Variants in DENND1A observed in about 807,000 individuals in gnomAD.
DENND1A encodes the protein DENN domain containing 1A, also known as DENN domain-containing protein 1A.
DENND1A carries 51 observed loss-of-function variants against 113.7 expected under a neutral mutation model. That is an observed-to-expected ratio of 0.45 (90% CI 0.36 to 0.57). DENND1A has a LOEUF of 0.57. Ranked by LOEUF, DENND1A falls within the 20% of genes least tolerant of loss-of-function variation. The pLI is 0.00. For missense variants in DENND1A, 1,258 were observed against 1,395.9 expected, an observed-to-expected ratio of 0.90 and a Z score of 1.57; for synonymous variants, 565 against 570.8, an observed-to-expected ratio of 0.99 and a Z score of 0.14.
intron 2 of DENND1A, among the ~76,000 whole-genome samples, chr9:123,805,060 C>T (rs368192421): frequency 2.6e-4 from 40 of 152,232 alleles, no homozygotes; most frequent in African/African-American, 8.7e-4. Flanking sequence ...CACTTCATGG[C>T]TTATACCCAC....
intron 13 of DENND1A, among the ~76,000 whole-genome samples, chr9:123,459,082 T>C (rs916633037): frequency 6.6e-6 from 1 of 151,934 alleles, no homozygotes; most frequent in African/African-American, 2.4e-5. Context: ...GAGGAGAGAA[T>C]TGCTTGAACC....
At chr9:123,449,000 A>G (rs542756730) in intron 18 of DENND1A, among the ~76,000 whole-genome samples, 5 of 152,322 alleles carry the variant, frequency 3.3e-5, no homozygotes, top group African/African-American at 1.2e-4. Flanking sequence ...TTGGAAAACA[A>G]AACACTTGTT....
chr9:123,666,620 G>A (rs760693124), intron 8 of DENND1A, among the ~76,000 whole-genome samples: 2 of 152,156 alleles, frequency 1.3e-5, no homozygotes, highest in Non-Finnish European at 2.9e-5. Context: ...GTTCTACAGT[G>A]AGAGAATGGC....
intron 11 of DENND1A, among the ~76,000 whole-genome samples, chr9:123,604,163 C>A (rs767531661): frequency 1.3e-5 from 2 of 152,310 alleles, no homozygotes; most frequent in East Asian, 1.9e-4. Flanking sequence ...ATGCTCCTAT[C>A]GGAGGCTGAA....
intron 1 of DENND1A, among the ~76,000 whole-genome samples, chr9:123,896,631 T>C (rs988312669): frequency 4.4e-4 from 67 of 152,180 alleles, no homozygotes; most frequent in African/African-American, 1.6e-3. Flanking sequence ...TAAGCTTAAA[T>C]AAATTTTTAA....
chr9:123,461,007 A>T (rs12002519), intron 13 of DENND1A, among the ~76,000 whole-genome samples: 7,775 of 152,220 alleles, frequency 0.051, 647 homozygotes, highest in African/African-American at 0.18. Flanking sequence ...CTTAACCAGC[A>T]AACGCACCCT....
chr9:123,579,737 C>A (rs1252058465), intron 12 of DENND1A, among the ~76,000 whole-genome samples: 1 of 152,144 alleles, frequency 6.6e-6, no homozygotes, highest in Admixed American at 6.5e-5. Context: ...ATTACCAGGT[C>A]CTATGCCAAA....
intron 9 of DENND1A, among the ~76,000 whole-genome samples, chr9:123,635,239 G>A (rs913738957): frequency 6.6e-6 from 1 of 152,202 alleles, no homozygotes; most frequent in Non-Finnish European, 1.5e-5. Flanking sequence ...AATATGTGTA[G>A]GTACCATGTT....
At chr9:123,431,535 C>T (rs1444914801) in intron 19 of DENND1A, among the ~76,000 whole-genome samples, 1 of 152,174 alleles carries the variant, frequency 6.6e-6, no homozygotes, top group Non-Finnish European at 1.5e-5. Context: ...GGCAAGAACC[C>T]AAGCTTTAGA....
At chr9:123,455,555 GAA>G (rs1035701523) in intron 15 of DENND1A, among the ~76,000 whole-genome samples, 1 of 152,172 alleles carries the variant, frequency 6.6e-6, no homozygotes, top group African/African-American at 2.4e-5. Flanking sequence ...TCCTTCCTCT[GAA>G]CAGCCCTCGG....
At chr9:123,662,730 T>TA (rs1200661443) in intron 8 of DENND1A, among the ~76,000 whole-genome samples, 12 of 152,238 alleles carry the variant, frequency 7.9e-5, no homozygotes, top group African/African-American at 2.9e-4. Flanking sequence ...AAAAGTTGTA[T>TA]AAGAAAGGAA....
rs1224601770 is a variant in DENND1A, at chr9:123,491,269, G to C, written c.994-33372C>G. Among the ~76,000 whole-genome samples, 3 of 152,354 alleles carry C rather than the reference G, an allele frequency of 2.0e-5. 1 individual carries two copies. The highest frequency in any genetic ancestry group is 2.9e-5 in the Non-Finnish European group (2 of 68,046). ...ACAGCCTGCAAAAGAGGCTATCTGT[G>C]TGGATAGAAAGCTGATGTCCTCTCT... On this transcript the variant is annotated intron_variant, in intron 13 of 23. Transcript: ENST00000394215.
At chr9:123,633,098 G>A (rs576213421) in intron 9 of DENND1A, among the ~76,000 whole-genome samples, 1 of 152,038 alleles carries the variant, frequency 6.6e-6, no homozygotes, top group Non-Finnish European at 1.5e-5. Context: ...TGTAGAGACG[G>A]GGTTTCGCCA....
At chr9:123,769,653 A>G in intron 3 of DENND1A, 90 bp from the exon 4 acceptor site, 1 of 1,114,310 alleles carries the variant, frequency 9.0e-7, no homozygotes, top group Non-Finnish European at 1.3e-6. Flanking sequence ...ACTTTACCCT[A>G]AAGAAAGAGG....
chr9:123,751,993 G>C (rs747098631), intron 5 of DENND1A: 1 of 152,178 alleles, frequency 6.6e-6, no homozygotes, highest in Non-Finnish European at 1.5e-5. Context: ...CCACCCCAAA[G>C]ATTGAGCAGT....
chr9:123,621,526 T>C (rs997549832), intron 10 of DENND1A, among the ~76,000 whole-genome samples: 2 of 152,146 alleles, frequency 1.3e-5, no homozygotes, highest in Non-Finnish European at 2.9e-5. Context: ...TAATATATAT[T>C]GACTATATAT....
intron 5 of DENND1A, among the ~76,000 whole-genome samples, chr9:123,688,921 G>A (rs1210101363): frequency 6.6e-6 from 1 of 152,146 alleles, no homozygotes; most frequent in East Asian, 1.9e-4. Context: ...TCAAATTAAG[G>A]CTGTATTTAT....
chr9:123,510,867 T>C (rs2053400486), intron 13 of DENND1A, among the ~76,000 whole-genome samples: 1 of 152,172 alleles, frequency 6.6e-6, no homozygotes, highest in South Asian at 2.1e-4. Flanking sequence ...CAGAAGGAAG[T>C]AAGTTCCCTG....
At chr9:123,430,117 G>A (rs1278035451) in intron 19 of DENND1A, among the ~76,000 whole-genome samples, 1 of 152,170 alleles carries the variant, frequency 6.6e-6, no homozygotes, top group African/African-American at 2.4e-5. Context: ...TTAGAGAAAT[G>A]CAAGTCAAAA....
Sources: allele counts gnomAD v4.1 joint callset (sites outside exome capture counted in the v4.1 genomes callset), GRCh38; gene constraint gnomAD v4.1.1; transcripts MANE v1.5; gene names NCBI Gene and HGNC (gene_info 2026-07-23, HGNC 2026-07-21).